The following TTBK2 variants were observed in gnomAD, a reference collection of about 807,000 sequenced individuals.
TTBK2 encodes tau tubulin kinase 2.
Under a neutral mutation model 110.8 loss-of-function variants are expected in TTBK2, and 28 were observed. The observed-to-expected ratio is 0.25, with a 90% CI of 0.19 to 0.35. The LOEUF (loss-of-function observed/expected upper bound fraction) is 0.35, where lower values mean the gene tolerates loss of function less well. TTBK2 is among the 10% of genes least tolerant of loss of function. The pLI is 1.00. For synonymous variants in TTBK2, 532 were observed against 527.3 expected, an observed-to-expected ratio of 1.01 and a Z score of -0.12; for missense variants, 1,369 against 1,500.3, an observed-to-expected ratio of 0.91 and a Z score of 1.45.
At chr15:42,791,951 G>T (rs1890706525) in intron 10 of TTBK2, among the ~76,000 whole-genome samples, 1 of 152,162 alleles carries the variant, frequency 6.6e-6, no homozygotes, top group African/African-American at 2.4e-5. Context: ...AGGCCAGCCT[G>T]CCCAGCATGG....
chr15:42,783,702 T>A, intron 10 of TTBK2, 67 bp from the exon 11 acceptor site: 1 of 1,216,670 alleles, frequency 8.2e-7, no homozygotes, highest in Admixed American at 1.7e-5. Context: ...TACATCATTT[T>A]ATTTCTTCAT....
Position 42,829,977 on chromosome 15 carries a change from G to A in TTBK2, c.393C>T (p.Ser131=). The A allele has an allele frequency of 6.2e-7, 1 of 1,614,098 alleles. No individual in the cohort carries two copies. The highest frequency in any genetic ancestry group is 8.5e-7 in the Non-Finnish European group (1 of 1,180,008). ...LGRQILESIE[S]IHSVGFLHRD... ...GATGCAAGAATCCCACAGAATGAAT[G>A]CTTTCAATAGACTCCAAAATCTGTC... Residue 131 remains serine (S), a synonymous_variant, in exon 5 of 15, where the codon AGC becomes AGT. Transcript: ENST00000267890.
chr15:42,767,949 T>C (rs918794375), intron 13 of TTBK2, among the ~76,000 whole-genome samples: 1 of 152,262 alleles, frequency 6.6e-6, no homozygotes, highest in Admixed American at 6.5e-5. Context: ...GATGTAATGC[T>C]GGTTCAAAAT....
At position 42,864,850 on chromosome 15, in the gene TTBK2, A is replaced by T. The variant is rs376339774; in HGVS notation, c.217+7761T>A. On this transcript the variant is annotated intron_variant, in intron 3 of 14. Coordinates refer to ENST00000267890, the MANE Select transcript of TTBK2 (RefSeq NM_173500.4). ...TTTTCTTATGCTTAATTGATCTAAGAGATAACAGTTTGCTCAAAATAACAA... is the reference window on the plus strand; with the variant it reads ...TTTTCTTATGCTTAATTGATCTAAGTGATAACAGTTTGCTCAAAATAACAA... Among the ~76,000 whole-genome samples the T allele has an allele frequency of 3.0e-4, 45 of 152,284 alleles. No homozygotes were observed. The Middle Eastern group carries it at 0.01, about 35-fold the overall frequency.
At chr15:42,821,685 T>TG (rs1892303746) in intron 6 of TTBK2, among the ~76,000 whole-genome samples, 2 of 140,698 alleles carry the variant, frequency 1.4e-5, no homozygotes, top group African/African-American at 5.7e-5. Flanking sequence ...TTTTGTTTTT[T>TG]GTTTTTTTTT....
chr15:42,764,725 T>A (rs985745105), intron 13 of TTBK2, among the ~76,000 whole-genome samples: 1 of 152,200 alleles, frequency 6.6e-6, no homozygotes, highest in Non-Finnish European at 1.5e-5. Flanking sequence ...AACTTAAACG[T>A]CCCTGTCTGA....
intron 3 of TTBK2, among the ~76,000 whole-genome samples, chr15:42,859,264 G>C (rs1393195169): frequency 1.3e-5 from 2 of 151,968 alleles, no homozygotes; most frequent in Non-Finnish European, 2.9e-5. Context: ...ACACCACCAT[G>C]TCCAGATAAT....
intron 9 of TTBK2, among the ~76,000 whole-genome samples, chr15:42,802,801 G>A (rs1891280942): frequency 6.6e-6 from 1 of 152,222 alleles, no homozygotes; most frequent in Admixed American, 6.5e-5. Context: ...CTGTGAGGGT[G>A]TTGCCAAAGG....
In TTBK2 at chr15:42,777,038, C is replaced by A; in HGVS notation, c.1402G>T (p.Glu468Ter). Residue 468 changes from glutamate to a stop codon, truncating the protein, a stop_gained, in exon 12 of 15, where the codon GAG becomes TAG. Coordinates refer to ENST00000267890, the MANE Select transcript of TTBK2 (RefSeq NM_173500.4). LOFTEE classifies it high-confidence loss of function. ...AAATACACTATTTTATACCAGGTCT[C>A]AAGGAACTTGTCAGTGTCTGGCTTT... The part of the protein sequence containing the change: ...EPKPDTDKFL[E>*]TCLEKMQKDT... 1 of 1,614,002 alleles carries A rather than the reference C, an allele frequency of 6.2e-7. No homozygotes were observed. The highest frequency in any genetic ancestry group is 1.1e-5 in the South Asian group (1 of 91,054).
intron 4 of TTBK2, 112 bp from the exon 5 acceptor site, chr15:42,830,190 A>ATTTT: frequency 1.8e-6 from 2 of 1,112,104 alleles, no homozygotes; most frequent in Non-Finnish European, 2.5e-6. Context: ...AATAGCAAGA[A>ATTTT]TTTTTTTTTT....
At chr15:42,833,465 G>T (rs1214013964) in intron 4 of TTBK2, among the ~76,000 whole-genome samples, 1 of 151,898 alleles carries the variant, frequency 6.6e-6, no homozygotes, top group Non-Finnish European at 1.5e-5. Context: ...ATCAATTCAT[G>T]GCCAGTCTTG....
intron 3 of TTBK2, among the ~76,000 whole-genome samples, chr15:42,863,174 T>C (rs1189407351): frequency 2.0e-5 from 3 of 152,114 alleles, no homozygotes; most frequent in Non-Finnish European, 4.4e-5. Context: ...ACCCTAAAGA[T>C]TCCACCAAAA....
chr15:42,754,746 C>A (rs1406988978), intron 13 of TTBK2, among the ~76,000 whole-genome samples: 25 of 143,802 alleles, frequency 1.7e-4, no homozygotes, highest in African/African-American at 6.0e-4. Flanking sequence ...CGGTGGCTCA[C>A]GCCTGTAATC....
intron 1 of TTBK2, among the ~76,000 whole-genome samples, chr15:42,879,685 A>G (rs1448038316): frequency 6.6e-6 from 1 of 151,814 alleles, no homozygotes; most frequent in Non-Finnish European, 1.5e-5. Flanking sequence ...CAGACTGTTT[A>G]CCAACCTTTA....
intron 13 of TTBK2, among the ~76,000 whole-genome samples, chr15:42,756,127 G>A (rs1179994360): frequency 2.0e-5 from 3 of 152,066 alleles, no homozygotes; most frequent in African/African-American, 7.2e-5. Flanking sequence ...AACCTGGGAG[G>A]CGGAGGATGC....
Position 42,752,058 on chromosome 15 carries a change from T to C in TTBK2, c.3188A>G (p.Asp1063Gly). 6.2e-7 allele frequency: 1 copy of C among 1,614,218 alleles called. No homozygotes were observed. Among genetic ancestry groups the C allele is most frequent in the African/African-American group, 1.3e-5 (1 of 75,064 alleles). The part of the protein sequence containing the change: ...IPRPVSWVNT[D>G]QVNSSTSSQF... ...AGACGAAGTTGAGCTATTGACCTGA[T>C]CTGTGTTGACCCATGAAACTGGCCT... Residue 1063 changes from aspartate to glycine, a missense_variant, in exon 14 of 15, where the codon GAT (aspartate) becomes GGT (glycine). This residue lies in a region of TTBK2 where 1,097 missense variants were observed against 1,114.7 expected (regional missense o/e 0.98). Transcript: ENST00000267890.
In TTBK2 at chr15:42,827,910, T is replaced by C. The variant is rs1382631899; in HGVS notation, c.537+18A>G. On this transcript the variant is annotated intron_variant, in intron 6 of 14. Coordinates refer to ENST00000267890, the MANE Select transcript of TTBK2 (RefSeq NM_173500.4). The stretch of plus-strand genomic sequence containing the variant: ...AGGGTAATTATCAAATATTTGATAA[T>C]AATATGAAAAATCTTACTGGTCTGA... 1 of 1,592,194 alleles carries C rather than the reference T, an allele frequency of 6.3e-7. No individual in the cohort carries two copies. The highest frequency in any genetic ancestry group is 8.6e-7 in the Non-Finnish European group (1 of 1,160,882).
chr15:42,763,139 CATACATATATATATATACATATAT>C (rs2062063390), intron 13 of TTBK2, among the ~76,000 whole-genome samples: 1 of 57,250 alleles, frequency 1.7e-5, no homozygotes, highest in African/African-American at 9.4e-5. Flanking sequence ...TACATATATA[CATACATATATATATATACATATAT>C]ATATATATAT....
chr15:42,804,176 G>A (rs1191812598), intron 9 of TTBK2, among the ~76,000 whole-genome samples: 1 of 151,884 alleles, frequency 6.6e-6, no homozygotes, highest in Non-Finnish European at 1.5e-5. Context: ...CAGTTGCCAT[G>A]GCTCACACCT....
Sources: gnomAD v4.1 joint callset for allele counts (sites outside exome capture counted in the v4.1 genomes callset) on GRCh38, gnomAD v4.1.1 for gene constraint, gnomAD v4.1.1 regional missense constraint, MANE v1.5 for transcripts, NCBI Gene and HGNC (gene_info 2026-07-23, HGNC 2026-07-21) for gene names.